Variants in NAALADL2 observed in about 807,000 individuals in gnomAD.
The protein encoded by NAALADL2 is N-acetylated alpha-linked acidic dipeptidase like 2, also known as inactive N-acetylated-alpha-linked acidic dipeptidase-like protein 2.
NAALADL2 carries 76 observed loss-of-function variants against 87.2 expected under a neutral mutation model. The observed-to-expected ratio is 0.87, with a 90% CI of 0.72 to 1.05. The LOEUF is 1.05. NAALADL2 is among the 50% of genes least tolerant of loss of function. The probability of loss-of-function intolerance (pLI) is 0.00; values close to 1 mark genes in which losing one functional copy is unlikely to be tolerated. For missense variants in NAALADL2, 1,089 were observed against 945.8 expected, an observed-to-expected ratio of 1.15 and a Z score of -1.99; for synonymous variants, 354 against 331.0, an observed-to-expected ratio of 1.07 and a Z score of -0.75.
intron 1 of NAALADL2, among the ~76,000 whole-genome samples, chr3:174,960,559 G>T (rs1167433475): frequency 6.6e-6 from 1 of 151,980 alleles, no homozygotes; most frequent in East Asian, 1.9e-4. Context: ...CTAATTATAA[G>T]AAAATGTGCC....
chr3:175,199,055 T>C (rs1034547654), intron 2 of NAALADL2, among the ~76,000 whole-genome samples: 1 of 152,180 alleles, frequency 6.6e-6, no homozygotes, highest in African/African-American at 2.4e-5. Flanking sequence ...TAAAGCATCA[T>C]GTTAGATGCT....
At chr3:175,761,508 G>A (rs1363012261) in intron 13 of NAALADL2, among the ~76,000 whole-genome samples, 2 of 150,456 alleles carry the variant, frequency 1.3e-5, no homozygotes, top group Non-Finnish European at 2.9e-5. Flanking sequence ...ATTTATTTCA[G>A]CAGATACCAA....
chr3:175,771,278 T>C (rs1342747031), intron 13 of NAALADL2, among the ~76,000 whole-genome samples: 2 of 152,180 alleles, frequency 1.3e-5, no homozygotes, highest in African/African-American at 4.8e-5. Context: ...TCTTAACTCA[T>C]TAGTGTTATG....
chr3:175,565,658 C>T (rs973347164), intron 9 of NAALADL2, among the ~76,000 whole-genome samples: 1 of 151,910 alleles, frequency 6.6e-6, no homozygotes, highest in African/African-American at 2.4e-5. Flanking sequence ...TCTGTTCTCT[C>T]CCCAGTGATA....
intron 1 of NAALADL2, among the ~76,000 whole-genome samples, chr3:175,089,780 C>G (rs948978571): frequency 3.3e-5 from 5 of 152,134 alleles, no homozygotes; most frequent in African/African-American, 9.6e-5. Flanking sequence ...AAAAACAAAC[C>G]CTTCAGCTAA....
chr3:175,294,291 C>A (rs1462448177), intron 4 of NAALADL2, among the ~76,000 whole-genome samples: 1 of 152,070 alleles, frequency 6.6e-6, no homozygotes, highest in Non-Finnish European at 1.5e-5. Context: ...TACTTATTTG[C>A]TCTCAAGCTT....
chr3:175,802,560 T>C (rs940899805), intron 13 of NAALADL2, among the ~76,000 whole-genome samples: 1 of 152,072 alleles, frequency 6.6e-6, no homozygotes, highest in African/African-American at 2.4e-5. Context: ...CATTATATAT[T>C]GTATTGCAAT....
intron 1 of NAALADL2, among the ~76,000 whole-genome samples, chr3:174,508,840 C>G (rs1300834800): frequency 1.3e-5 from 2 of 151,996 alleles, no homozygotes; most frequent in African/African-American, 4.8e-5. Context: ...TTTGAGCTCC[C>G]GAGTTTAACA....
Position 174,733,196 on chromosome 3 carries a change from C to T in NAALADL2, c.-114-4445C>T, listed in dbSNP as rs528699896. Among the ~76,000 whole-genome samples, 9 of 152,168 alleles carry T rather than the reference C, an allele frequency of 5.9e-5. No individual in the cohort carries two copies. In the South Asian group the frequency reaches 1.2e-3, roughly 21 times the overall value. On this transcript the variant is annotated intron_variant, in intron 2 of 3. Coordinates refer to the NAALADL2 transcript ENST00000434257. Reference sequence around the variant, plus strand: ...AGATAATCATTAAGTTTCTTCTAGTCGCAGTATTCTGATTTTAGGTAACGC... The same window carrying T: ...AGATAATCATTAAGTTTCTTCTAGTTGCAGTATTCTGATTTTAGGTAACGC...
intron 4 of NAALADL2, among the ~76,000 whole-genome samples, chr3:175,309,377 G>T (rs9832432): frequency 1.3e-5 from 2 of 151,916 alleles, no homozygotes; most frequent in South Asian, 2.1e-4. Context: ...GTAGAGACAG[G>T]GTTTCACCAT....
At chr3:175,393,804 AAC>A (rs1769388978) in intron 5 of NAALADL2, among the ~76,000 whole-genome samples, 1 of 152,222 alleles carries the variant, frequency 6.6e-6, no homozygotes, top group African/African-American at 2.4e-5. Flanking sequence ...GCTCTTGTCC[AAC>A]ACACTATCCA....
rs533368300 is a variant in NAALADL2, at chr3:175,363,928, G to C, written c.1090+39603G>C. Reference sequence around the variant, plus strand: ...TAGAAATTAGTTTCCTAGTTCAGAAGCTGCTTTGAAAACAGATTTGACATT... The same window carrying C: ...TAGAAATTAGTTTCCTAGTTCAGAACCTGCTTTGAAAACAGATTTGACATT... On this transcript the variant is annotated intron_variant, in intron 5 of 13. Transcript: ENST00000454872. Among the ~76,000 whole-genome samples the C allele has an allele frequency of 2.7e-5, 4 of 148,240 alleles. No individual in the cohort carries two copies. In the East Asian group the frequency reaches 8.0e-4, roughly 30 times the overall value.
chr3:175,339,226 C>T (rs189716576), intron 5 of NAALADL2, among the ~76,000 whole-genome samples: 2 of 152,254 alleles, frequency 1.3e-5, no homozygotes, highest in East Asian at 1.9e-4. Flanking sequence ...AGATAGAGAG[C>T]CTGTGTGAAA....
rs564673493 is a variant in NAALADL2 at position 175,591,419 on chromosome 3, C to T, written c.1800+15232C>T. Among the ~76,000 whole-genome samples the T allele has an allele frequency of 3.3e-5, 5 of 151,904 alleles. No individual in the cohort carries two copies. In the South Asian group the frequency reaches 8.3e-4, roughly 25 times the overall value. On this transcript the variant is annotated intron_variant, in intron 10 of 13. Coordinates refer to ENST00000454872, the MANE Select transcript of NAALADL2 (RefSeq NM_207015.3). ...CCAGAGGGGAAAAAATGGAAAGGAA[C>T]AAATGTGGTTTGTTAACAGAAAATA...
intron 5 of NAALADL2, among the ~76,000 whole-genome samples, chr3:175,327,152 T>TC: frequency 1.0e-5 from 1 of 99,018 alleles, no homozygotes; most frequent in African/African-American, 4.5e-5. Context: ...ACATTTCTTT[T>TC]TTTTTTTTTT....
chr3:175,301,131 C>G (rs979732618), intron 4 of NAALADL2, among the ~76,000 whole-genome samples: 1 of 152,006 alleles, frequency 6.6e-6, no homozygotes. Flanking sequence ...TATGTCTTGT[C>G]CTCTGCTAGC....
intron 1 of NAALADL2, among the ~76,000 whole-genome samples, chr3:175,046,877 A>C (rs918425496): frequency 6.6e-6 from 1 of 152,168 alleles, no homozygotes; most frequent in African/African-American, 2.4e-5. Flanking sequence ...TTAGGCTATT[A>C]CACAATACCA....
intron 13 of NAALADL2, among the ~76,000 whole-genome samples, chr3:175,768,396 A>C (rs1032013508): frequency 2.6e-5 from 4 of 152,172 alleles, no homozygotes; most frequent in Admixed American, 6.5e-5. Flanking sequence ...TCATCCAGGT[A>C]GATGTTTTCC....
chr3:175,239,235 A>T (rs529877811), intron 3 of NAALADL2, among the ~76,000 whole-genome samples: 1 of 152,244 alleles, frequency 6.6e-6, no homozygotes, highest in African/African-American at 2.4e-5. Flanking sequence ...TGCAAAATAC[A>T]TATTAAAATG....
Sources: allele counts gnomAD v4.1 joint callset (sites outside exome capture counted in the v4.1 genomes callset), GRCh38; gene constraint gnomAD v4.1.1; transcripts MANE v1.5; gene names NCBI Gene and HGNC (gene_info 2026-07-23, HGNC 2026-07-21).